ACTN3: variants seen among roughly 807,000 people sequenced by gnomAD.
ACTN3 encodes actinin alpha 3.
A neutral mutation model predicts 119.6 loss-of-function variants in ACTN3; 91 were observed. That is an observed-to-expected ratio of 0.76 (90% CI 0.64 to 0.91). The LOEUF is 0.91. ACTN3 is among the 40% of genes least tolerant of loss of function. The pLI is 0.00. For missense variants in ACTN3, 1,221 were observed against 1,215.1 expected, an observed-to-expected ratio of 1.00 and a Z score of -0.07; for synonymous variants, 456 against 478.8, an observed-to-expected ratio of 0.95 and a Z score of 0.62.
At position 66,562,881 on chromosome 11, in the gene ACTN3, T is replaced by A; in HGVS notation, c.2474T>A (p.Met825Lys). 1 of 1,613,838 alleles carries A rather than the reference T, an allele frequency of 6.2e-7. No individual in the cohort carries two copies. The highest frequency in any genetic ancestry group is 8.5e-7 in the Non-Finnish European group (1 of 1,179,834). The change falls in exon 20 of 21, where the codon ATG (methionine) becomes AAG (lysine). Residue 825 changes from methionine (M) to lysine (K), a missense_variant. Transcript: ENST00000513398. The stretch of plus-strand genomic sequence containing the variant: ...ACCTTCCAGGCCTTCATAGACTTCA[T>A]GACCCGAGAGACAGCCGAGACTGAC... ...VVTFQAFIDF[M>K]TRETAETDTT...
In ACTN3 at chr11:66,560,158, C is replaced by T. The variant is rs1857715954; in HGVS notation, c.1537-13C>T. The T allele has an allele frequency of 1.3e-6, 2 of 1,593,204 alleles. No individual in the cohort carries two copies. The highest frequency in any genetic ancestry group is 8.5e-7 in the Non-Finnish European group (1 of 1,170,132). ...AGGGCAGGCTTCTGACCCACTACGC[C>T]TCCCACCTCTAGCGGATGGAGAAGC... On this transcript the variant is annotated splice_polypyrimidine_tract_variant and intron_variant, in intron 13 of 20. Transcript: ENST00000513398.
chr11:66,555,367 G>A lies in ACTN3; in HGVS notation c.718G>A (p.Asp240Asn), dbSNP rs904154309. 6.2e-7 allele frequency: 1 copy of A among 1,613,962 alleles called. No individual in the cohort carries two copies. Among genetic ancestry groups the A allele is most frequent in the African/African-American group, 1.3e-5 (1 of 74,892 alleles). Reference sequence around the variant, plus strand: ...CATCCCCAAGATGTTGGATGCAGAAGGTGAGAGTGAGCTAGCCCAGGGGAA... The same window carrying A: ...CATCCCCAAGATGTTGGATGCAGAAAGTGAGAGTGAGCTAGCCCAGGGGAA... The part of the protein sequence containing the change: ...LDIPKMLDAE[D>N]IVNTPKPDEK... Residue 240 changes from aspartate (D) to asparagine (N), a missense_variant and splice_region_variant, in exon 7 of 21, where the codon GAC becomes AAC. Coordinates refer to ENST00000513398, the MANE Select transcript of ACTN3 (RefSeq NM_001104.4).
chr11:66,546,404 G>T, upstream of ACTN3: 1 of 789,850 alleles, frequency 1.3e-6, no homozygotes, highest in Non-Finnish European at 2.0e-6. Context: ...TAATAGCCCT[G>T]CCGCAGCCCA....
chr11:66,550,268 C>G (rs1857443495), intron 1 of ACTN3, among the ~76,000 whole-genome samples: 1 of 152,248 alleles, frequency 6.6e-6, no homozygotes, highest in Admixed American at 6.5e-5. Context: ...GGAGCCCACC[C>G]TGACTCTACC....
intron 12 of ACTN3, 60 bp from the exon 13 acceptor site, chr11:66,559,908 G>A: frequency 6.7e-7 from 1 of 1,490,930 alleles, no homozygotes; most frequent in Non-Finnish European, 9.1e-7. Flanking sequence ...AGCCCTGGGA[G>A]TGCAGTTAGG....
chr11:66,561,109 T>C, intron 15 of ACTN3, 118 bp from the exon 16 acceptor site: 1 of 1,365,594 alleles, frequency 7.3e-7, no homozygotes, highest in Non-Finnish European at 9.7e-7. Context: ...TTCTCGTATA[T>C]CCCAGACAAG....
At chr11:66,546,682 G>T (rs1857348531), upstream of ACTN3, 1 of 1,532,370 alleles carries the variant, frequency 6.5e-7, no homozygotes, top group Non-Finnish European at 8.7e-7. Flanking sequence ...GTCACACAGC[G>T]CCCCAGCAGC....
intron 3 of ACTN3, 97 bp from the exon 4 acceptor site, chr11:66,553,948 A>C (rs1857531479): frequency 2.2e-6 from 2 of 928,540 alleles, no homozygotes; most frequent in East Asian, 2.6e-5. Context: ...ATGGGAGACA[A>C]GGGCCAGAGG....
In ACTN3 at chr11:66,563,096, T is replaced by A. The variant is rs1250236083; in HGVS notation, c.2609T>A (p.Ile870Asn). The change falls in exon 21 of 21, where the codon ATC becomes AAC. Residue 870 changes from isoleucine (I) to asparagine (N), a missense_variant. This residue lies in a region of ACTN3 where 934 missense variants were observed against 899.9 expected (regional missense o/e 1.04). Coordinates refer to ENST00000513398, the MANE Select transcript of ACTN3 (RefSeq NM_001104.4). ...CCTGCCAAGCAGGCCGAGTACTGCA[T>A]CCGCCGTATGGTGCCCTACAAGGGA... The part of the protein sequence containing the change: ...ELPAKQAEYC[I>N]RRMVPYKGSG... 1 of 1,613,112 alleles carries A rather than the reference T, an allele frequency of 6.2e-7. No homozygotes were observed. Among genetic ancestry groups the A allele is most frequent in the Non-Finnish European group, 8.5e-7 (1 of 1,179,742 alleles).
intron 8 of ACTN3, among the ~76,000 whole-genome samples, chr11:66,556,504 A>G (rs1361832007): frequency 6.6e-6 from 1 of 151,920 alleles, no homozygotes; most frequent in Non-Finnish European, 1.5e-5. Flanking sequence ...GGCTGGAGTG[A>G]AGTGGCGTGA....
chr11:66,552,369 CA>C (rs35515266), intron 3 of ACTN3, among the ~76,000 whole-genome samples: 75,647 of 145,270 alleles, frequency 0.52, 20,609 homozygotes, highest in African/African-American at 0.73. Context: ...GACTCCGTCT[CA>C]AAAAAAAAAA....
At position 66,561,371 on chromosome 11, in the gene ACTN3, G is replaced by C. The variant is rs758883415; in HGVS notation, c.1995+10G>C. 1 of 1,608,618 alleles carries C rather than the reference G, an allele frequency of 6.2e-7. No individual in the cohort carries two copies. Among genetic ancestry groups the C allele is most frequent in the East Asian group, 2.2e-5 (1 of 44,840 alleles). The stretch of plus-strand genomic sequence containing the variant: ...CCAGGCGAAGGTGGAGGTAAGGGCT[G>C]GGATAGTGGGTCCAACCTGGGGGGA... On this transcript the variant is annotated intron_variant, in intron 16 of 20. Transcript: ENST00000513398.
intron 4 of ACTN3, 98 bp downstream of exon 4, chr11:66,554,229 C>T (rs887830069): frequency 4.2e-6 from 4 of 945,830 alleles, no homozygotes; most frequent in Middle Eastern, 4.4e-4. Flanking sequence ...CTTGAAGGAT[C>T]GCCCAGGAGT....
At chr11:66,555,017 A>T in intron 5 of ACTN3, 113 bp from the exon 6 acceptor site, 3 of 927,056 alleles carry the variant, frequency 3.2e-6, no homozygotes, top group Non-Finnish European at 5.2e-6. Context: ...AGGGATTTGT[A>T]CTTTACTCCA....
intron 7 of ACTN3, among the ~76,000 whole-genome samples, chr11:66,555,711 T>C (rs539822657): frequency 6.6e-6 from 1 of 152,332 alleles, no homozygotes; most frequent in East Asian, 1.9e-4. Context: ...AATAGTCAAC[T>C]GAAGCAGCAA....
chr11:66,556,760 G>GTGTAT (rs1857598568), intron 8 of ACTN3, among the ~76,000 whole-genome samples: 4 of 151,268 alleles, frequency 2.6e-5, no homozygotes, highest in Admixed American at 2.6e-4. Context: ...TTGTTTGTTT[G>GTGTAT]TGTTTTGTTT....
chr11:66,547,263 C>A, intron 1 of ACTN3, 179 bp downstream of exon 1: 1 of 434,760 alleles, frequency 2.3e-6, no homozygotes, highest in East Asian at 1.6e-4. Flanking sequence ...GGGCTGGGAG[C>A]CCTCAAGAGG....
chr11:66,560,777 C>T (rs1367733872), intron 15 of ACTN3, 22 bp downstream of exon 15: 1 of 1,588,028 alleles, frequency 6.3e-7, no homozygotes, highest in Admixed American at 1.7e-5. Flanking sequence ...CTGCAGCCTT[C>T]CTCCCACCCC....
intron 11 of ACTN3, 76 bp from the exon 12 acceptor site, chr11:66,559,160 T>C: frequency 7.2e-7 from 1 of 1,392,546 alleles, no homozygotes. Context: ...AGATGAGGCT[T>C]CATGGTCACG....
Sources: allele counts gnomAD v4.1 joint callset (sites outside exome capture counted in the v4.1 genomes callset), GRCh38; gene constraint gnomAD v4.1.1; regional missense constraint gnomAD v4.1.1; transcripts MANE v1.5; gene names NCBI Gene and HGNC (gene_info 2026-07-23, HGNC 2026-07-21).